Variants in DGKD observed in about 807,000 individuals in gnomAD.
The protein encoded by DGKD is diacylglycerol kinase delta.
Under a neutral mutation model 154.4 loss-of-function variants are expected in DGKD, and 68 were observed. The observed-to-expected ratio is 0.44, with a 90% CI of 0.36 to 0.54. DGKD has a LOEUF of 0.54. DGKD is among the 20% of genes least tolerant of loss of function. The pLI is 0.00. For synonymous variants in DGKD, 693 were observed against 638.0 expected, an observed-to-expected ratio of 1.09 and a Z score of -1.30; for missense variants, 1,343 against 1,593.6, an observed-to-expected ratio of 0.84 and a Z score of 2.68.
intron 3 of DGKD, among the ~76,000 whole-genome samples, chr2:233,415,155 T>TA (rs2125526521): frequency 6.6e-6 from 1 of 152,356 alleles, no homozygotes; most frequent in East Asian, 1.9e-4. Flanking sequence ...CTCACACAGG[T>TA]AACAGTTAGA....
At chr2:233,384,228 C>G (rs1470986436) in intron 1 of DGKD, among the ~76,000 whole-genome samples, 1 of 152,160 alleles carries the variant, frequency 6.6e-6, no homozygotes, top group Non-Finnish European at 1.5e-5. Flanking sequence ...TGGCTGCTTC[C>G]TTTATCCTCA....
At position 233,458,125 on chromosome 2, in the gene DGKD, T is replaced by C; in HGVS notation, c.2581-159T>C. The C allele has an allele frequency of 1.9e-6, 1 of 533,882 alleles. No individual in the cohort carries two copies. The highest frequency in any genetic ancestry group is 2.8e-5 in the South Asian group (1 of 35,652). The allele number at this position is 533,882 out of a possible 1,614,324, so 33.1% of individuals were successfully genotyped here. ...CTGGGATTTGGTCCCAGGCAGCTGG[T>C]TTCAGGGCCTGCAACATGAAGCCCG... On this transcript the variant is annotated intron_variant, in intron 21 of 29. Coordinates refer to ENST00000264057, the MANE Select transcript of DGKD (RefSeq NM_152879.3). This position sits in a 1 kb window ranked among gnomAD's most constrained non-coding sequence, Gnocchi z 6.6.
chr2:233,383,057 TGA>T (rs1161885137), intron 1 of DGKD, among the ~76,000 whole-genome samples: 2 of 151,540 alleles, frequency 1.3e-5, no homozygotes, highest in Non-Finnish European at 2.9e-5. Context: ...TTTTTTTTTT[TGA>T]GAGGGAGTTT....
Position 233,440,454 on chromosome 2 carries a change from C to T in DGKD, c.1086-1433C>T, listed in dbSNP as rs1454798850. Among the ~76,000 whole-genome samples the T allele has an allele frequency of 1.3e-5, 2 of 152,142 alleles. No homozygotes were observed. Among genetic ancestry groups the T allele is most frequent in the African/African-American group, 2.4e-5 (1 of 41,420 alleles). On this transcript the variant is annotated intron_variant, in intron 9 of 29. Coordinates refer to ENST00000264057, the MANE Select transcript of DGKD (RefSeq NM_152879.3). This position sits in a 1 kb window ranked among gnomAD's most constrained non-coding sequence, Gnocchi z 4.9. ...GGGTAGGAGCACACGCAGGGTCCCC[C>T]GGCACTTCAGTGGGGGTGACACAGC...
At chr2:233,406,022 T>C (rs566102830) in intron 3 of DGKD, among the ~76,000 whole-genome samples, 2 of 152,318 alleles carry the variant, frequency 1.3e-5, no homozygotes, top group South Asian at 4.1e-4. Flanking sequence ...TCTGAAATCA[T>C]GGTGTTGGCA....
rs2063550141 is a variant in DGKD at position 233,459,270 on chromosome 2, C to G, written c.2695-487C>G. Among the ~76,000 whole-genome samples the G allele has an allele frequency of 6.6e-6, 1 of 152,178 alleles. No homozygotes were observed. The highest frequency in any genetic ancestry group is 2.1e-4 in the South Asian group (1 of 4,832). ...ACCCCACCCTGCGACTGTCTGGTGT[C>G]TTCCAGCACTCTGTCTACCCTTAGC... On this transcript the variant is annotated intron_variant, in intron 22 of 29. Coordinates refer to ENST00000264057, the MANE Select transcript of DGKD (RefSeq NM_152879.3). The surrounding 1 kb of genome is among the most constrained non-coding windows in gnomAD (Gnocchi z 5.7).
In DGKD at chr2:233,460,300, C is replaced by T; in HGVS notation, c.2936C>T (p.Thr979Ile). 1 of 1,613,988 alleles carries T rather than the reference C, an allele frequency of 6.2e-7. No individual in the cohort carries two copies. The highest frequency in any genetic ancestry group is 8.5e-7 in the Non-Finnish European group (1 of 1,179,992). ...GAGATGCTGTCCGAGGAGGAGGCCA[C>T]CCAGATGGACCAGTTTGGGCAGGCA... ...HPEMLSEEEA[T>I]QMDQFGQAAG... The change falls in exon 24 of 30, where the codon ACC becomes ATC. Residue 979 changes from threonine to isoleucine, a missense_variant. Transcript: ENST00000264057.
At chr2:233,374,018 A>T (rs893905424) in intron 1 of DGKD, among the ~76,000 whole-genome samples, 2 of 146,188 alleles carry the variant, frequency 1.4e-5, no homozygotes, top group Non-Finnish European at 1.5e-5. Flanking sequence ...TTTTAGTTTA[A>T]TTTTTTTTTT....
intron 28 of DGKD, among the ~76,000 whole-genome samples, chr2:233,468,044 G>T (rs980467358): frequency 1.3e-5 from 2 of 152,096 alleles, no homozygotes; most frequent in East Asian, 3.9e-4. Flanking sequence ...GGGACACGGG[G>T]AAATGACCAG....
At chr2:233,425,335 C>T (rs1042641890) in intron 3 of DGKD, among the ~76,000 whole-genome samples, 2 of 152,076 alleles carry the variant, frequency 1.3e-5, no homozygotes, top group African/African-American at 2.4e-5. Context: ...CACAGGCGCC[C>T]GCCACCACGC....
intron 24 of DGKD, among the ~76,000 whole-genome samples, chr2:233,461,236 C>G (rs908933288): frequency 6.6e-6 from 1 of 152,232 alleles, no homozygotes; most frequent in Non-Finnish European, 1.5e-5. Context: ...CCCCCCGTGG[C>G]CGCACGCTGG....
At position 233,438,405 on chromosome 2, in the gene DGKD, T is replaced by C. The variant is rs1180404597; in HGVS notation, c.1085+26T>C. The C allele has an allele frequency of 1.3e-6, 2 of 1,581,128 alleles. No individual in the cohort carries two copies. Among genetic ancestry groups the C allele is most frequent in the African/African-American group, 1.4e-5 (1 of 73,480 alleles). ...GTAGGAAGCTTGTAAAATATATCTTTCTTGGAGTTTTAAAAATTGTGTAGA... is the reference window on the plus strand; with the variant it reads ...GTAGGAAGCTTGTAAAATATATCTTCCTTGGAGTTTTAAAAATTGTGTAGA... On this transcript the variant is annotated intron_variant, in intron 9 of 29. Coordinates refer to ENST00000264057, the MANE Select transcript of DGKD (RefSeq NM_152879.3). The surrounding 1 kb of genome is among the most constrained non-coding windows in gnomAD (Gnocchi z 4.1).
intron 9 of DGKD, among the ~76,000 whole-genome samples, chr2:233,439,186 C>A (rs116494293): frequency 6.6e-6 from 1 of 152,238 alleles, no homozygotes; most frequent in Non-Finnish European, 1.5e-5. Flanking sequence ...CTGGCACTGC[C>A]GGAGATGTCC....
intron 1 of DGKD, among the ~76,000 whole-genome samples, chr2:233,365,515 G>C (rs542831205): frequency 6.6e-6 from 1 of 152,222 alleles, no homozygotes; most frequent in African/African-American, 2.4e-5. Context: ...GAAGTGCTGG[G>C]ATTACAGGCG....
Position 233,449,250 on chromosome 2 carries a change from G to A in DGKD, c.1762G>A (p.Gly588Arg), listed in dbSNP as rs138719506. ...DGSGSICGSTGDRLVASACPA... is the reference protein window; with the variant it reads ...DGSGSICGSTRDRLVASACPA... ...GTCGGGCAGCATCTGCGGTTCCACC[G>A]GAGACCGCTTGGTGGCATCAGCTTG... Residue 588 changes from glycine to arginine, a missense_variant, in exon 15 of 30, where the codon GGA becomes AGA. Coordinates refer to ENST00000264057, the MANE Select transcript of DGKD (RefSeq NM_152879.3). The surrounding 1 kb of genome is among the most constrained non-coding windows in gnomAD (Gnocchi z 5.3). 164 of 1,613,632 alleles carry A rather than the reference G, an allele frequency of 1.0e-4. No homozygotes were observed. The highest frequency in any genetic ancestry group is 1.3e-4 in the Non-Finnish European group (149 of 1,179,930).
At chr2:233,442,762 C>T (rs772298758) in intron 10 of DGKD, among the ~76,000 whole-genome samples, 3 of 152,116 alleles carry the variant, frequency 2.0e-5, no homozygotes, top group Non-Finnish European at 2.9e-5. Flanking sequence ...CACGCTACCA[C>T]GCCCAGCTAA....
rs769234238 is a variant in DGKD, at chr2:233,462,315, C to T, written c.2982-33C>T. ...GTGAAAGGCTGCCCTTCCATTTGGCCTGACATCTGCCCGTGCTTCTCTTCC... is the reference window on the plus strand; with the variant it reads ...GTGAAAGGCTGCCCTTCCATTTGGCTTGACATCTGCCCGTGCTTCTCTTCC... On this transcript the variant is annotated intron_variant, in intron 24 of 29. Coordinates refer to ENST00000264057, the MANE Select transcript of DGKD (RefSeq NM_152879.3). 5 of 1,560,020 alleles carry T rather than the reference C, an allele frequency of 3.2e-6. No homozygotes were observed. The East Asian group carries it at 9.1e-5, about 28-fold the overall frequency.
In DGKD at chr2:233,437,483, G is replaced by A; in HGVS notation, c.922+4G>A. 1 of 1,612,946 alleles carries A rather than the reference G, an allele frequency of 6.2e-7. No individual in the cohort carries two copies. The highest frequency in any genetic ancestry group is 8.5e-7 in the Non-Finnish European group (1 of 1,179,062). On this transcript the variant is annotated splice_donor_region_variant and intron_variant, in intron 8 of 29. Transcript: ENST00000264057. ...CTCAACAGCATCGACTCCGATGGTG[G>A]GTACCACACATGCTTATCCTTCTCA... is the stretch of plus-strand genomic sequence containing the variant.
chr2:233,420,080 C>G (rs967827543), intron 3 of DGKD, among the ~76,000 whole-genome samples: 1 of 152,062 alleles, frequency 6.6e-6, no homozygotes, highest in Admixed American at 6.5e-5. Flanking sequence ...TGCCATGAGA[C>G]GCGTGGCAGT....
Sources: gnomAD v4.1 joint callset for allele counts (sites outside exome capture counted in the v4.1 genomes callset) on GRCh38, gnomAD v4.1.1 for gene constraint, Gnocchi (gnomAD v3.1) non-coding constraint, MANE v1.5 for transcripts, NCBI Gene and HGNC (gene_info 2026-07-23, HGNC 2026-07-21) for gene names.